PBRM1: variants seen among roughly 807,000 people sequenced by gnomAD.
PBRM1 encodes the protein protein polybromo-1.
In PBRM1, 27 loss-of-function variants were observed where a neutral mutation model predicts 194.5. The observed-to-expected ratio is 0.14, with a 90% CI of 0.10 to 0.19. The LOEUF is 0.19. PBRM1 is among the 10% of genes least tolerant of loss of function. The pLI is 1.00. For synonymous variants in PBRM1, 655 were observed against 693.2 expected (o/e 0.94, Z 0.87); for missense variants, 1,466 against 2,077.2 (o/e 0.71, Z 5.72).
chr3:52,661,440 TGGGG>T (rs1301457751), intron 4 of PBRM1, among the ~76,000 whole-genome samples: 1 of 152,150 alleles, frequency 6.6e-6, no homozygotes, highest in Non-Finnish European at 1.5e-5. Flanking sequence ...TCATTCTACT[TGGGG>T]AAAGAGAGAA....
chr3:52,634,588 AG>A lies in PBRM1; in HGVS notation c.1301+13del. On this transcript the variant is annotated intron_variant, in intron 11 of 29. Transcript: ENST00000296302. Reference sequence around the variant, plus strand: ...AAAATAAAATTATACTGAATAATGTAGAAGACATCTTACCGGATCTGTTGTA... The same window carrying A: ...AAAATAAAATTATACTGAATAATGTAAAGACATCTTACCGGATCTGTTGTA... 6.7e-7 allele frequency: 1 copy of A among 1,483,324 alleles called. No homozygotes were observed. Among genetic ancestry groups the A allele is most frequent in the Non-Finnish European group, 9.4e-7 (1 of 1,061,886 alleles). The allele number at this position is 1,483,324 out of a possible 1,614,324, so 91.9% of individuals were successfully genotyped here.
intron 2 of PBRM1, among the ~76,000 whole-genome samples, chr3:52,669,617 T>G (rs1004031530): frequency 1.2e-4 from 18 of 152,204 alleles, no homozygotes; most frequent in Non-Finnish European, 2.1e-4. Flanking sequence ...ATCATGGCGA[T>G]TAAGGCTTAA....
chr3:52,667,485 G>T (rs77146033), intron 3 of PBRM1, among the ~76,000 whole-genome samples: 51,683 of 151,560 alleles, frequency 0.34, 9,756 homozygotes, highest in Admixed American at 0.46. Context: ...AGGCATGGTC[G>T]CTCACGCCTG....
At position 52,572,129 on chromosome 3, in the gene PBRM1, GA is replaced by G. The variant is rs10634292; in HGVS notation, c.3691+4411del. The stretch of plus-strand genomic sequence containing the variant: ...GATTTTCTACATACCTAATATTTTT[GA>G]AAAAAAAAAAAAAGGCCCTTTTGTT... On this transcript the variant is annotated intron_variant, in intron 22 of 29. Transcript: ENST00000296302. 9.2e-3 allele frequency among the ~76,000 whole-genome samples: 1,009 copies of G among 109,308 alleles called. 3 individuals are homozygous for G. Among genetic ancestry groups the G allele is most frequent in the African/African-American group, 0.021 (698 of 33,690 alleles). 71.7% of individuals were successfully genotyped at this position (109,308 alleles called of 152,430 possible).
At chr3:52,563,179 A>C (rs1559888144) in intron 24 of PBRM1, 104 bp downstream of exon 26, 1 of 698,066 alleles carries the variant, frequency 1.4e-6, no homozygotes, top group Non-Finnish European at 2.4e-6. Context: ...ATTCTAAGTT[A>C]AAGCTCACAT....
exon 19 of PBRM1, chr3:52,587,387 T>C: frequency 6.2e-7 from 1 of 1,610,900 alleles, no homozygotes; most frequent in Middle Eastern, 1.7e-4. Flanking sequence ...GCCTAGAATT[T>C]TACTAACTGG....
intron 2 of PBRM1, among the ~76,000 whole-genome samples, chr3:52,675,120 G>A (rs962835419): frequency 6.6e-6 from 1 of 152,084 alleles, no homozygotes; most frequent in Non-Finnish European, 1.5e-5. Flanking sequence ...CAACAAATTA[G>A]ATAAACTAGA....
At chr3:52,637,389 CGA>C (rs944683416) in intron 10 of PBRM1, among the ~76,000 whole-genome samples, 1 of 152,030 alleles carries the variant, frequency 6.6e-6, no homozygotes, top group Non-Finnish European at 1.5e-5. Flanking sequence ...CCCAACAATT[CGA>C]GAGGCAGAGG....
chr3:52,662,412 G>T (rs1034361974), intron 3 of PBRM1, 136 bp from the exon 5 acceptor site: 2 of 665,036 alleles, frequency 3.0e-6, no homozygotes, highest in Admixed American at 3.1e-5. Context: ...AAACATATAT[G>T]GGTCCAAATC....
intron 17 of PBRM1, among the ~76,000 whole-genome samples, chr3:52,596,821 C>T (rs2093603772): frequency 6.6e-6 from 1 of 152,154 alleles, no homozygotes; most frequent in Non-Finnish European, 1.5e-5. Context: ...CAAGTACTCC[C>T]CTGGTTACCC....
At chr3:52,548,110 G>A (rs2079921315) in exon 30 of PBRM1, 2 of 1,611,060 alleles carry the variant, frequency 1.2e-6, no homozygotes, top group Non-Finnish European at 1.7e-6. Context: ...AGGGTGTCCC[G>A]GAGCATCAAA....
At chr3:52,583,458 C>T (rs1346237920) in intron 20 of PBRM1, among the ~76,000 whole-genome samples, 3 of 151,960 alleles carry the variant, frequency 2.0e-5, no homozygotes, top group East Asian at 1.9e-4. Context: ...TGTGTGGTCT[C>T]ATCCTATACC....
chr3:52,604,537 C>A (rs1053883615), intron 16 of PBRM1, among the ~76,000 whole-genome samples: 74 of 151,798 alleles, frequency 4.9e-4, no homozygotes, highest in African/African-American at 1.7e-3. Flanking sequence ...GCTGTCTCAA[C>A]AAAAAAGTAG....
chr3:52,610,746 C>T (rs1245427317), intron 15 of PBRM1, among the ~76,000 whole-genome samples: 1 of 152,212 alleles, frequency 6.6e-6, no homozygotes, highest in East Asian at 1.9e-4. Flanking sequence ...CAAGATCAAC[C>T]TGGCCAACAT....
chr3:52,670,317 C>A (rs555072181), intron 2 of PBRM1, among the ~76,000 whole-genome samples: 3 of 152,308 alleles, frequency 2.0e-5, no homozygotes, highest in Admixed American at 1.3e-4. Context: ...TGAAATACTT[C>A]TAATTTCTAA....
intron 10 of PBRM1, 151 bp downstream of exon 11, chr3:52,641,803 T>C: frequency 1.4e-6 from 1 of 710,622 alleles, no homozygotes; most frequent in Non-Finnish European, 2.6e-6. Flanking sequence ...AACCTTTTGA[T>C]AGGTCTGACT....
chr3:52,641,446 C>CAAAAAAAAA (rs386396638), intron 10 of PBRM1, among the ~76,000 whole-genome samples: 4 of 69,946 alleles, frequency 5.7e-5, no homozygotes, highest in Non-Finnish European at 7.9e-5. Flanking sequence ...GACTCCATCT[C>CAAAAAAAAA]AAAAAAAAAA....
At chr3:52,636,885 GTGTTAAGAGCT>G (rs1292822836) in intron 10 of PBRM1, among the ~76,000 whole-genome samples, 1 of 142,866 alleles carries the variant, frequency 7.0e-6, no homozygotes, top group Admixed American at 7.2e-5. Flanking sequence ...ATTTAATTAT[GTGTTAAGAGCT>G]TGATAAGTAC....
chr3:52,598,851 G>A (rs1208050084), intron 17 of PBRM1, among the ~76,000 whole-genome samples: 1 of 151,890 alleles, frequency 6.6e-6, no homozygotes, highest in Admixed American at 6.6e-5. Context: ...GTGAAGCCCC[G>A]TCTCTACTAA....
Sources: allele counts gnomAD v4.1 joint callset (sites outside exome capture counted in the v4.1 genomes callset), GRCh38; gene constraint gnomAD v4.1.1; transcripts MANE v1.5; gene names NCBI Gene and HGNC (gene_info 2026-07-23, HGNC 2026-07-21).